MIA2: variants seen among roughly 807,000 people sequenced by gnomAD.
The protein encoded by MIA2 is melanoma inhibitory activity protein 2.
MIA2 carries 127 observed loss-of-function variants against 167.8 expected under a neutral mutation model. The ratio of observed to expected loss-of-function variants is 0.76; its 90% confidence interval spans 0.66 to 0.88. The LOEUF (loss-of-function observed/expected upper bound fraction) is 0.88. Among genes scored for constraint, MIA2 ranks in the 40% least tolerant of loss-of-function variants. MIA2 has a pLI of 0.00. For missense variants in MIA2, 1,690 were observed against 1,624.7 expected (o/e 1.04, Z -0.69); for synonymous variants, 552 against 541.9 (o/e 1.02, Z -0.26).
At chr14:39,293,417 AG>A in intron 11 of MIA2, 36 bp downstream of exon 11, 1 of 1,322,504 alleles carries the variant, frequency 7.6e-7, no homozygotes, top group African/African-American at 1.5e-5. Flanking sequence ...TATAAGAAAA[AG>A]AAAGTTACTG....
chr14:39,239,374 C>T (rs12589831), intron 2 of MIA2, among the ~76,000 whole-genome samples: 30,292 of 150,504 alleles, frequency 0.2, 3,371 homozygotes, highest in East Asian at 0.5. Flanking sequence ...AGCAAGAATA[C>T]ACACACACAC....
At chr14:39,246,539 G>A (rs541040426) in intron 3 of MIA2, among the ~76,000 whole-genome samples, 3 of 152,128 alleles carry the variant, frequency 2.0e-5, no homozygotes, top group Non-Finnish European at 2.9e-5. Flanking sequence ...GCAACATAGC[G>A]AGACTCTATC....
At chr14:39,304,409 T>C (rs767601259) in intron 17 of MIA2, 28 bp downstream of exon 17, 13 of 1,251,508 alleles carry the variant, frequency 1.0e-5, no homozygotes, top group Non-Finnish European at 1.3e-5. Flanking sequence ...ATACTTTTAA[T>C]GTTTTTCTAA....
At chr14:39,339,517 AGTTT>A (rs1322040161) in intron 25 of MIA2, among the ~76,000 whole-genome samples, 2 of 152,204 alleles carry the variant, frequency 1.3e-5, no homozygotes, top group African/African-American at 2.4e-5. Flanking sequence ...TATGTGCTAT[AGTTT>A]GTTTCATTTT....
chr14:39,246,607 G>C (rs766079611), intron 3 of MIA2, among the ~76,000 whole-genome samples: 26 of 152,218 alleles, frequency 1.7e-4, no homozygotes, highest in Non-Finnish European at 3.2e-4. Flanking sequence ...GGCTGAGGAG[G>C]GAGGATTGTT....
At chr14:39,356,845 C>T (rs894718605) in intron 23 of MIA2, among the ~76,000 whole-genome samples, 3 of 152,112 alleles carry the variant, frequency 2.0e-5, no homozygotes, top group African/African-American at 4.8e-5. Flanking sequence ...GTTCAGTTTC[C>T]ATGTAGTTGA....
Position 39,247,178 on chromosome 14 carries a change from G to C in MIA2, c.604G>C (p.Glu202Gln), listed in dbSNP as rs1258213444. ...ESKDWEEVVV[E>Q]SMEQDRIPEV... ...AAAAGACTGGGAAGAAGTAGTTGTT[G>C]AAAGTATGGAACAGGATCGTATTCC... Residue 202 changes from glutamate to glutamine, a missense_variant, in exon 4 of 29, where the codon GAA (glutamate) becomes CAA (glutamine). Coordinates refer to ENST00000640607, the MANE Select transcript of MIA2 (RefSeq NM_001329214.4). 2 of 1,614,054 alleles carry C rather than the reference G, an allele frequency of 1.2e-6. No homozygotes were observed. Among genetic ancestry groups the C allele is most frequent in the Non-Finnish European group, 1.7e-6 (2 of 1,180,046 alleles).
intron 23 of MIA2, among the ~76,000 whole-genome samples, chr14:39,358,340 C>G (rs1044531851): frequency 2.6e-5 from 4 of 152,180 alleles, no homozygotes; most frequent in African/African-American, 4.8e-5. Flanking sequence ...TCCAGTTGAT[C>G]AAATCGGCTA....
At chr14:39,313,272 A>T (rs1346700960) in intron 18 of MIA2, 68 bp from the exon 19 acceptor site, 1 of 783,188 alleles carries the variant, frequency 1.3e-6, no homozygotes, top group Non-Finnish European at 2.0e-6. Flanking sequence ...TTTTTTCACA[A>T]TTAAAAATAT....
chr14:39,239,486 T>A (rs892231363), intron 2 of MIA2, among the ~76,000 whole-genome samples: 1 of 152,076 alleles, frequency 6.6e-6, no homozygotes, highest in African/African-American at 2.4e-5. Flanking sequence ...GCCTGGAAGT[T>A]AGAGGTTACA....
intron 2 of MIA2, among the ~76,000 whole-genome samples, chr14:39,240,315 C>T (rs1047911980): frequency 6.6e-6 from 1 of 152,172 alleles, no homozygotes; most frequent in Non-Finnish European, 1.5e-5. Flanking sequence ...GTAAGTGGAA[C>T]AGGTTTCCTT....
In MIA2 at chr14:39,304,718, G is replaced by A. The variant is rs371192120; in HGVS notation, c.2878+337G>A. On this transcript the variant is annotated intron_variant, in intron 17 of 28. Transcript: ENST00000640607. The stretch of plus-strand genomic sequence containing the variant: ...TTGAAACTTAATGTTTAAAGTCTTT[G>A]TTAATTGAAAAATTGATCTTCAATA... Among the ~76,000 whole-genome samples the A allele has an allele frequency of 8.5e-5, 13 of 152,208 alleles. No individual in the cohort carries two copies. The East Asian group carries it at 1.7e-3, about 20-fold the overall frequency.
At chr14:39,332,513 C>T (rs1034613750) in intron 25 of MIA2, among the ~76,000 whole-genome samples, 10 of 152,126 alleles carry the variant, frequency 6.6e-5, no homozygotes, top group African/African-American at 2.2e-4. Context: ...CTTTGAAAGA[C>T]GAGGCATCCT....
intron 23 of MIA2, among the ~76,000 whole-genome samples, chr14:39,361,586 G>A (rs919903232): frequency 1.3e-5 from 2 of 151,960 alleles, no homozygotes; most frequent in African/African-American, 4.8e-5. Context: ...TTACAGATGT[G>A]TGCCACCACG....
chr14:39,248,786 C>A (rs72673384), intron 4 of MIA2, among the ~76,000 whole-genome samples: 10,658 of 152,030 alleles, frequency 0.07, 394 homozygotes, highest in African/African-American at 0.096. Context: ...ATCGTCTAAG[C>A]TGGAGTGCAG....
At chr14:39,246,712 A>G (rs1299133169) in intron 3 of MIA2, among the ~76,000 whole-genome samples, 199 bp from the exon 4 acceptor site, 9 of 152,194 alleles carry the variant, frequency 5.9e-5, no homozygotes, top group Admixed American at 5.2e-4. Context: ...ACAAAAAACC[A>G]TAATGTAAAA....
intron 24 of MIA2, among the ~76,000 whole-genome samples, chr14:39,325,264 T>C (rs574257540): frequency 1.3e-5 from 2 of 152,044 alleles, no homozygotes; most frequent in East Asian, 3.9e-4. Context: ...TCCTTGAGAA[T>C]AATAAGCTTT....
intron 2 of MIA2, among the ~76,000 whole-genome samples, chr14:39,238,793 CAAAAAA>C (rs769534317): frequency 3.2e-5 from 1 of 30,806 alleles, no homozygotes; most frequent in South Asian, 1.5e-3. Context: ...GACCCTGTCT[CAAAAAA>C]AAAAAAAAAA....
intron 6 of MIA2, among the ~76,000 whole-genome samples, chr14:39,256,524 G>T (rs959358633): frequency 1.3e-5 from 2 of 151,806 alleles, no homozygotes; most frequent in Admixed American, 6.6e-5. Flanking sequence ...AAATTAAAAT[G>T]ATATTTCTTA....
Sources: gnomAD v4.1 joint callset for allele counts (sites outside exome capture counted in the v4.1 genomes callset) on GRCh38, gnomAD v4.1.1 for gene constraint, MANE v1.5 for transcripts, NCBI Gene and HGNC (gene_info 2026-07-23, HGNC 2026-07-21) for gene names.